Variants in PPTC7 observed in about 807,000 individuals in gnomAD.
PPTC7 encodes protein phosphatase targeting COQ7, also known as protein phosphatase PTC7 homolog.
In PPTC7, 6 loss-of-function variants were observed where a neutral mutation model predicts 30.8. That is an observed-to-expected ratio of 0.19 (90% CI 0.11 to 0.38). The LOEUF (loss-of-function observed/expected upper bound fraction) is 0.38, where lower values mean the gene tolerates loss of function less well. PPTC7 is among the 10% of genes least tolerant of loss of function. The pLI is 1.00. For missense variants in PPTC7, 218 were observed against 404.8 expected (o/e 0.54, Z 3.96); for synonymous variants, 163 against 168.1 (o/e 0.97, Z 0.23).
chr12:110,572,973 G>A lies in PPTC7; in HGVS notation c.223+9836C>T, dbSNP rs571167863. 6.4e-4 allele frequency among the ~76,000 whole-genome samples: 98 copies of A among 152,176 alleles called. No homozygotes were observed. In the Middle Eastern group the frequency reaches 0.017, roughly 26 times the overall value. On this transcript the variant is annotated intron_variant, in intron 1 of 5. Coordinates refer to ENST00000354300, the MANE Select transcript of PPTC7 (RefSeq NM_139283.2). ...CAGCTCACCGCAACCTCCGCCTCCC[G>A]GGTTCAAGTGATTCTCCTGCCTCAA...
At chr12:110,580,485 T>C (rs1040355561) in intron 1 of PPTC7, among the ~76,000 whole-genome samples, 2 of 152,024 alleles carry the variant, frequency 1.3e-5, no homozygotes, top group African/African-American at 4.8e-5. Context: ...ACTACAGGCG[T>C]GTGCCACCAC....
Position 110,536,886 on chromosome 12 carries a change from A to T in PPTC7, c.*151T>A. On this transcript the variant is annotated 3_prime_UTR_variant, in exon 6 of 6. Transcript: ENST00000354300. ...ATGATAGTAGTGGTTCTCAACAAAGATCTCAACGAGTCTCAAGAAGACAGG... is the reference window on the plus strand; with the variant it reads ...ATGATAGTAGTGGTTCTCAACAAAGTTCTCAACGAGTCTCAAGAAGACAGG... 1.5e-6 allele frequency: 1 copy of T among 650,094 alleles called. No individual in the cohort carries two copies. Among genetic ancestry groups the T allele is most frequent in the African/African-American group, 1.8e-5 (1 of 55,268 alleles). 40.3% of individuals were successfully genotyped at this position (650,094 alleles called of 1,614,324 possible). A position where few individuals can be genotyped will look rare whatever the true frequency, so the allele number is the denominator to read the frequency against.
intron 2 of PPTC7, chr12:110,546,745 G>A (rs2064308968): frequency 6.6e-6 from 1 of 152,448 alleles, no homozygotes; most frequent in Non-Finnish European, 1.5e-5. Flanking sequence ...AGACTGAAAG[G>A]CTAATGGCAC....
At chr12:110,553,927 T>C (rs1565920764) in intron 1 of PPTC7, among the ~76,000 whole-genome samples, 1 of 152,206 alleles carries the variant, frequency 6.6e-6, no homozygotes, top group Non-Finnish European at 1.5e-5. Context: ...AGTGGCGTGA[T>C]CTCAGCTCAT....
chr12:110,571,794 G>GA (rs1397176050), intron 1 of PPTC7, among the ~76,000 whole-genome samples: 2 of 151,974 alleles, frequency 1.3e-5, no homozygotes, highest in South Asian at 2.1e-4. Flanking sequence ...ATTGTAATAA[G>GA]AAAAAAATGA....
At position 110,547,059 on chromosome 12, in the gene PPTC7, TACC is replaced by T. The variant is rs1312377480; in HGVS notation, c.404-984_404-982del. On this transcript the variant is annotated intron_variant, in intron 2 of 5. Transcript: ENST00000354300. ...GAGCGCAAGATAGCCCGGAAAAATG[TACC>T]TCCTTTCATCTAGCAATTCCATCTC... Among the ~76,000 whole-genome samples the T allele has an allele frequency of 2.0e-5, 3 of 152,326 alleles. No individual in the cohort carries two copies. The East Asian group carries it at 5.8e-4, about 29-fold the overall frequency.
At chr12:110,580,506 T>G (rs1333562605) in intron 1 of PPTC7, among the ~76,000 whole-genome samples, 1 of 151,842 alleles carries the variant, frequency 6.6e-6, no homozygotes, top group Non-Finnish European at 1.5e-5. Flanking sequence ...ACCTGCCTAA[T>G]TTTTGTATTT....
intron 1 of PPTC7, among the ~76,000 whole-genome samples, chr12:110,581,125 G>A (rs895508040): frequency 6.6e-6 from 1 of 152,092 alleles, no homozygotes; most frequent in African/African-American, 2.4e-5. Flanking sequence ...ACTTTAAGAA[G>A]CAACACAGGG....
At chr12:110,542,300 A>T (rs1459457519) in intron 3 of PPTC7, among the ~76,000 whole-genome samples, 1 of 139,698 alleles carries the variant, frequency 7.2e-6, no homozygotes, top group Non-Finnish European at 1.6e-5. Flanking sequence ...CCATTTCCGT[A>T]AAAAAAAAAA....
intron 2 of PPTC7, among the ~76,000 whole-genome samples, chr12:110,547,201 G>T (rs1190768880): frequency 6.6e-6 from 1 of 152,186 alleles, no homozygotes; most frequent in Non-Finnish European, 1.5e-5. Flanking sequence ...TAAGGGACTG[G>T]TTAAATAAAT....
At position 110,583,047 on chromosome 12, in the gene PPTC7, C is replaced by T. The variant is rs563510052; in HGVS notation, c.-16G>A. On this transcript the variant is annotated 5_prime_UTR_variant, in exon 1 of 6. Transcript: ENST00000354300. Reference sequence around the variant, plus strand: ...CCGAGAACATCGCCGCCGCCGCCCCCCCGAGGAGGCGGGGGGCCGGGGGAG... The same window carrying T: ...CCGAGAACATCGCCGCCGCCGCCCCTCCGAGGAGGCGGGGGGCCGGGGGAG... The T allele has an allele frequency of 1.3e-3, 1,847 of 1,383,402 alleles. 10 individuals are homozygous for T. Among genetic ancestry groups the T allele is most frequent in the South Asian group, 9.9e-3 (589 of 59,732 alleles). The allele number at this position is 1,383,402 out of a possible 1,614,324, so 85.7% of individuals were successfully genotyped here. A position where few individuals can be genotyped will look rare whatever the true frequency, so the allele number is the denominator to read the frequency against.
chr12:110,581,513 G>C (rs900236711), intron 1 of PPTC7, among the ~76,000 whole-genome samples: 1 of 152,112 alleles, frequency 6.6e-6, no homozygotes, highest in African/African-American at 2.4e-5. Flanking sequence ...GGGTGGATTT[G>C]TACAATTTCA....
At chr12:110,572,569 C>T (rs1348867944) in intron 1 of PPTC7, among the ~76,000 whole-genome samples, 1 of 152,160 alleles carries the variant, frequency 6.6e-6, no homozygotes, top group Non-Finnish European at 1.5e-5. Flanking sequence ...TTGGAATTCA[C>T]CAAGTAAAAA....
intron 1 of PPTC7, among the ~76,000 whole-genome samples, chr12:110,564,824 T>C (rs2064468248): frequency 8.8e-6 from 1 of 113,446 alleles, no homozygotes; most frequent in Non-Finnish European, 1.9e-5. Context: ...TATGTGTATA[T>C]ATACATACAC....
At chr12:110,551,125 T>C (rs1283670059) in intron 2 of PPTC7, among the ~76,000 whole-genome samples, 1 of 152,198 alleles carries the variant, frequency 6.6e-6, no homozygotes, top group Non-Finnish European at 1.5e-5. Flanking sequence ...TTTTAGGTTG[T>C]CCCCAGTTCT....
chr12:110,573,707 C>T (rs1565927869), intron 1 of PPTC7, among the ~76,000 whole-genome samples: 1 of 152,122 alleles, frequency 6.6e-6, no homozygotes, highest in Non-Finnish European at 1.5e-5. Context: ...ACAGGCCAGG[C>T]ACGGTGGCTC....
chr12:110,542,563 C>T lies in PPTC7; in HGVS notation c.603-2618G>A, dbSNP rs538236764. ...GTGCACACCTGTAATTCCAGCTACT[C>T]GGGAGGCTGAAGCAGGAGAATTGCT... is the stretch of plus-strand genomic sequence containing the variant. On this transcript the variant is annotated intron_variant, in intron 3 of 5. Coordinates refer to ENST00000354300, the MANE Select transcript of PPTC7 (RefSeq NM_139283.2). 7.4e-5 allele frequency among the ~76,000 whole-genome samples: 11 copies of T among 148,572 alleles called. No homozygotes were observed. In the East Asian group the frequency reaches 1.6e-3, roughly 22 times the overall value.
Position 110,538,124 on chromosome 12 carries a change from C to A in PPTC7, c.856+20G>T. On this transcript the variant is annotated intron_variant, in intron 5 of 5. Coordinates refer to ENST00000354300, the MANE Select transcript of PPTC7 (RefSeq NM_139283.2). ...CCATGTCCCCAGTCAGTCCCTATGA[C>A]CTTCCCAAAGAATGCTTACCTCTCA... is the stretch of plus-strand genomic sequence containing the variant. 6.2e-7 allele frequency: 1 copy of A among 1,612,878 alleles called. No individual in the cohort carries two copies. The highest frequency in any genetic ancestry group is 1.3e-5 in the African/African-American group (1 of 75,038).
intron 1 of PPTC7, among the ~76,000 whole-genome samples, chr12:110,556,188 C>A (rs376794040): frequency 6.6e-6 from 1 of 152,202 alleles, no homozygotes; most frequent in African/African-American, 2.4e-5. Flanking sequence ...GAATACAGCA[C>A]AACCTTTTGG....
Sources: allele counts gnomAD v4.1 joint callset (sites outside exome capture counted in the v4.1 genomes callset), GRCh38; gene constraint gnomAD v4.1.1; transcripts MANE v1.5; gene names NCBI Gene and HGNC (gene_info 2026-07-23, HGNC 2026-07-21).